The following ZFAT variants were observed in gnomAD, a reference collection of about 807,000 sequenced individuals.
ZFAT encodes the protein zinc finger protein ZFAT.
ZFAT carries 64 observed loss-of-function variants against 117.7 expected under a neutral mutation model. That is an observed-to-expected ratio of 0.54 (90% CI 0.44 to 0.67). The LOEUF (loss-of-function observed/expected upper bound fraction) is 0.67. ZFAT is among the 30% of genes least tolerant of loss of function. ZFAT has a pLI of 0.00. For synonymous variants in ZFAT, 679 were observed against 615.0 expected, an observed-to-expected ratio of 1.10 and a Z score of -1.54; for missense variants, 1,433 against 1,584.5, an observed-to-expected ratio of 0.90 and a Z score of 1.62.
At chr8:134,519,427 T>C (rs1432326194) in intron 13 of ZFAT, among the ~76,000 whole-genome samples, 2 of 152,242 alleles carry the variant, frequency 1.3e-5, no homozygotes, top group Non-Finnish European at 2.9e-5. Flanking sequence ...ACTGATTTTA[T>C]GTATGTATAT....
rs527335390 is a variant in ZFAT at position 134,514,485 on chromosome 8, G to C, written c.3235-1884C>G. ...ATCATCAACATCCGCAATAATCATA[G>C]CAGCTGCCATTTTTGAGGGCCTCCA... On this transcript the variant is annotated intron_variant, in intron 13 of 15. Coordinates refer to ENST00000377838, the MANE Select transcript of ZFAT (RefSeq NM_020863.4). 7.2e-5 allele frequency among the ~76,000 whole-genome samples: 11 copies of C among 152,232 alleles called. No homozygotes were observed. In the South Asian group the frequency reaches 2.1e-3, roughly 29 times the overall value.
the ZFAT span, among the ~76,000 whole-genome samples, chr8:134,799,254 G>A: frequency 6.6e-6 from 1 of 152,114 alleles, no homozygotes; most frequent in African/African-American, 2.4e-5. Flanking sequence ...GGAGCACCAA[G>A]CATGAATTCT....
chr8:134,567,875 A>G (rs546224842), intron 10 of ZFAT, among the ~76,000 whole-genome samples: 1 of 152,304 alleles, frequency 6.6e-6, no homozygotes, highest in South Asian at 2.1e-4. Context: ...CTTCCTGTTA[A>G]TTCAGAACTC....
At chr8:134,709,848 G>GCGGTAAGA (rs1313838225) in intron 1 of ZFAT, among the ~76,000 whole-genome samples, 3 of 152,178 alleles carry the variant, frequency 2.0e-5, no homozygotes. Flanking sequence ...AGGGAGCACT[G>GCGGTAAGA]CGGTAAGACG....
chr8:134,660,464 C>A (rs577111313), intron 1 of ZFAT, among the ~76,000 whole-genome samples: 1 of 152,198 alleles, frequency 6.6e-6, no homozygotes, highest in Admixed American at 6.5e-5. Flanking sequence ...ACAGGTGGGC[C>A]CCACCCCAGA....
At position 134,478,671 on chromosome 8, in the gene ZFAT, C is replaced by G; in HGVS notation, c.3543G>C (p.Thr1181=). The G allele has an allele frequency of 5.1e-6, 8 of 1,581,822 alleles. No homozygotes were observed. Among genetic ancestry groups the G allele is most frequent in the South Asian group, 2.3e-5 (2 of 85,982 alleles). The change falls in exon 16 of 16, where the codon ACG becomes ACC. Residue 1181 remains threonine (T), a synonymous_variant. Coordinates refer to ENST00000377838, the MANE Select transcript of ZFAT (RefSeq NM_020863.4). The surrounding 1 kb of genome is among the most constrained non-coding windows in gnomAD (Gnocchi z 5.2). ...SSNHTVMIQE[T]VQQASVELAE... is the part of the protein sequence containing the mutation. Reference sequence around the variant, plus strand: ...CAAGCTCCACGGACGCTTGCTGGACCGTCTCCTGGATCATGACCGTGTGGT... The same window carrying G: ...CAAGCTCCACGGACGCTTGCTGGACGGTCTCCTGGATCATGACCGTGTGGT...
chr8:134,524,850 A>C lies in ZFAT; in HGVS notation c.3116-3849T>G, dbSNP rs554012426. Among the ~76,000 whole-genome samples, 14 of 152,302 alleles carry C rather than the reference A, an allele frequency of 9.2e-5. No homozygotes were observed. In the East Asian group the frequency reaches 2.7e-3, roughly 29 times the overall value. ...TATCTTACCACTAGTACCACCACCA[A>C]CACTACTAATAGCAATAACAACATA... is the stretch of plus-strand genomic sequence containing the variant. On this transcript the variant is annotated intron_variant, in intron 12 of 15. Coordinates refer to ENST00000377838, the MANE Select transcript of ZFAT (RefSeq NM_020863.4).
chr8:134,724,822 G>A, the ZFAT span, among the ~76,000 whole-genome samples: 2 of 152,152 alleles, frequency 1.3e-5, no homozygotes, highest in East Asian at 3.9e-4. Context: ...AGATTACCAT[G>A]GGCTGTGGGG....
chr8:134,727,629 C>T, the ZFAT span, among the ~76,000 whole-genome samples: 2 of 151,852 alleles, frequency 1.3e-5, no homozygotes, highest in Admixed American at 6.6e-5. Flanking sequence ...ATGAATAGGG[C>T]TTTTTTTTGA....
the ZFAT span, among the ~76,000 whole-genome samples, chr8:134,786,875 G>T: frequency 2.7e-5 from 4 of 146,270 alleles, no homozygotes; most frequent in Admixed American, 2.0e-4. Context: ...GACAGGCAGG[G>T]TCTTGCTCTG....
intron 1 of ZFAT, among the ~76,000 whole-genome samples, chr8:134,698,233 G>A (rs1833922639): frequency 6.6e-6 from 1 of 150,456 alleles, no homozygotes; most frequent in South Asian, 2.1e-4. Flanking sequence ...GGCTGAGGCA[G>A]AAGAATTGCT....
the ZFAT span, chr8:134,793,975 T>C: frequency 6.6e-6 from 1 of 152,178 alleles, no homozygotes; most frequent in South Asian, 2.1e-4. Context: ...ATACAAAAAA[T>C]ATGAAGTCAA....
chr8:134,705,932 T>C (rs908660166), intron 1 of ZFAT, among the ~76,000 whole-genome samples: 2 of 152,120 alleles, frequency 1.3e-5, no homozygotes, highest in African/African-American at 4.8e-5. Flanking sequence ...CCAACATCAT[T>C]GGTCATCAGG....
At position 134,582,599 on chromosome 8, in the gene ZFAT, AT is replaced by A. The variant is rs10661157; in HGVS notation, c.2887+1232del. 1.4e-4 allele frequency among the ~76,000 whole-genome samples: 22 copies of A among 152,068 alleles called. No homozygotes were observed. In the East Asian group the frequency reaches 4.1e-3, roughly 28 times the overall value. On this transcript the variant is annotated intron_variant, in intron 10 of 15. Coordinates refer to ENST00000377838, the MANE Select transcript of ZFAT (RefSeq NM_020863.4). ...ATTGTATTTTTAATTTTGATTATGG[AT>A]TTTTTTTAGAGAGAGTACTGCTTAA... is the stretch of plus-strand genomic sequence containing the variant.
the ZFAT span, among the ~76,000 whole-genome samples, chr8:134,830,235 C>A: frequency 2.0e-5 from 3 of 152,180 alleles, no homozygotes; most frequent in South Asian, 6.2e-4. Context: ...ATAATCTTTT[C>A]AGGTTGTAAC....
chr8:134,616,666 C>T (rs942686424), intron 3 of ZFAT, among the ~76,000 whole-genome samples: 1 of 152,200 alleles, frequency 6.6e-6, no homozygotes, highest in Non-Finnish European at 1.5e-5. Context: ...CCATAGCTGT[C>T]GATGGGTTTT....
chr8:134,511,723 A>G (rs748455774), intron 14 of ZFAT, among the ~76,000 whole-genome samples: 13 of 152,234 alleles, frequency 8.5e-5, no homozygotes, highest in Non-Finnish European at 1.8e-4. Flanking sequence ...TAAAAAGAGC[A>G]TCAAGAAAAA....
At chr8:134,827,440 T>C in the ZFAT span, among the ~76,000 whole-genome samples, 1 of 152,182 alleles carries the variant, frequency 6.6e-6, no homozygotes, top group Non-Finnish European at 1.5e-5. Context: ...TGGACATACA[T>C]ATACATATTA....
chr8:134,538,832 C>T (rs1342644806), intron 11 of ZFAT, among the ~76,000 whole-genome samples: 4 of 149,738 alleles, frequency 2.7e-5, no homozygotes, highest in African/African-American at 9.8e-5. Context: ...ATTAAAAAGA[C>T]GTACATTGAA....
Sources: gnomAD v4.1 joint callset for allele counts (sites outside exome capture counted in the v4.1 genomes callset) on GRCh38, gnomAD v4.1.1 for gene constraint, Gnocchi (gnomAD v3.1) non-coding constraint, MANE v1.5 for transcripts, NCBI Gene and HGNC (gene_info 2026-07-23, HGNC 2026-07-21) for gene names.